PCDH11X: variants seen among roughly 807,000 people sequenced by gnomAD.
The protein encoded by PCDH11X is protocadherin 11 X-linked.
PCDH11X carries 18 observed loss-of-function variants against 53.3 expected under a neutral mutation model. The ratio of observed to expected loss-of-function variants is 0.34; its 90% CI spans 0.23 to 0.50. The LOEUF (loss-of-function observed/expected upper bound fraction) is 0.50. PCDH11X is among the 20% of genes least tolerant of loss of function. PCDH11X has a pLI of 0.98. For missense variants in PCDH11X, 570 were observed against 1,032.4 expected, an observed-to-expected ratio of 0.55 and a Z score of 6.14; for synonymous variants, 279 against 393.3, an observed-to-expected ratio of 0.71 and a Z score of 3.44.
At chrX:91,984,933 A>C (rs2062205165) in intron 6 of PCDH11X, among the ~76,000 whole-genome samples, 1 of 111,328 alleles carries the variant, frequency 9.0e-6, no homozygotes, top group African/African-American at 3.3e-5. Context: ...CTTTCCTTGC[A>C]ATTGAATCAC....
intron 10 of PCDH11X, among the ~76,000 whole-genome samples, chrX:92,547,889 G>T (rs1023215788): frequency 9.2e-6 from 1 of 109,021 alleles, no homozygotes; most frequent in Non-Finnish European, 1.9e-5. Context: ...CGCCATCATG[G>T]CTATATATAT....
chrX:92,331,333 C>CTT (rs1300857539), intron 8 of PCDH11X, among the ~76,000 whole-genome samples: 626 of 83,717 alleles, frequency 7.5e-3, no homozygotes, highest in South Asian at 0.011. Flanking sequence ...TCTTCTTCTT[C>CTT]CTTCCTTCCT....
chrX:92,261,056 TC>T (rs1203636329), intron 7 of PCDH11X, among the ~76,000 whole-genome samples: 1 of 111,263 alleles, frequency 9.0e-6, no homozygotes, highest in Non-Finnish European at 1.9e-5. Context: ...TCATGTTTTT[TC>T]CCCTTCCAGC....
At chrX:92,117,269 T>C (rs1398608544) in intron 6 of PCDH11X, among the ~76,000 whole-genome samples, 1 of 109,414 alleles carries the variant, frequency 9.1e-6, no homozygotes, top group Non-Finnish European at 1.9e-5. Context: ...AAACCCCGTC[T>C]CTACCAAAAT....
intron 6 of PCDH11X, among the ~76,000 whole-genome samples, chrX:91,965,985 A>ATCCC (rs746665552): frequency 1.2e-3 from 135 of 111,339 alleles, no homozygotes; most frequent in Non-Finnish European, 2.1e-3. Flanking sequence ...TCAGTCTTAA[A>ATCCC]TCCCTCTCCT....
chrX:91,870,237 T>C (rs1939213653), intron 5 of PCDH11X, among the ~76,000 whole-genome samples: 1 of 111,835 alleles, frequency 8.9e-6, no homozygotes, highest in South Asian at 3.6e-4. Flanking sequence ...CTTTAAGACA[T>C]TTCAATCTGA....
rs776286713 is a variant in PCDH11X, at chrX:91,873,514, T to A, written c.541-3267T>A. On this transcript the variant is annotated intron_variant, in intron 5 of 10. Transcript: ENST00000682573. ...CACCTTGAGAATTAGAAAAATATAT[T>A]TTTAAGATTATTGCCATTTCACATA... Among the ~76,000 whole-genome samples the A allele has an allele frequency of 2.9e-3, 318 of 111,151 alleles. 3 individuals carry two copies. Among genetic ancestry groups the A allele is most frequent in the Non-Finnish European group, 5.3e-3 (279 of 52,806 alleles).
intron 6 of PCDH11X, among the ~76,000 whole-genome samples, chrX:91,901,273 G>T (rs1351114256): frequency 9.0e-6 from 1 of 111,555 alleles, no homozygotes; most frequent in African/African-American, 3.3e-5. Flanking sequence ...TACCTGGTAG[G>T]CAAGTAATGT....
intron 6 of PCDH11X, among the ~76,000 whole-genome samples, chrX:92,042,886 G>A (rs758403588): frequency 6.4e-5 from 7 of 108,886 alleles, no homozygotes; most frequent in East Asian, 2.9e-4. Flanking sequence ...TCATCCACCC[G>A]CCTCAGCCTC....
At chrX:92,101,077 ATTAT>A (rs1213229595) in intron 6 of PCDH11X, among the ~76,000 whole-genome samples, 3 of 111,758 alleles carry the variant, frequency 2.7e-5, no homozygotes, top group South Asian at 3.8e-4. Context: ...GCCAGCAAAG[ATTAT>A]TTATTTACTT....
chrX:92,125,813 T>G (rs1171679538), intron 6 of PCDH11X, among the ~76,000 whole-genome samples: 2 of 109,120 alleles, frequency 1.8e-5, no homozygotes, highest in African/African-American at 6.6e-5. Flanking sequence ...TCCACCCCCC[T>G]ACATTTGCTA....
chrX:92,450,546 A>G (rs2072758170), intron 9 of PCDH11X, among the ~76,000 whole-genome samples: 2 of 108,793 alleles, frequency 1.8e-5, no homozygotes, highest in African/African-American at 6.7e-5. Context: ...TTTTGTTCCC[A>G]TAAAATGGAG....
chrX:92,535,452 A>T (rs1394927238), intron 10 of PCDH11X, among the ~76,000 whole-genome samples: 1 of 110,913 alleles, frequency 9.0e-6, no homozygotes, highest in Non-Finnish European at 1.9e-5. Context: ...GTTCTCACTT[A>T]TCAGTGTAAG....
chrX:92,244,025 A>C (rs2067306045), intron 7 of PCDH11X, among the ~76,000 whole-genome samples: 1 of 110,665 alleles, frequency 9.0e-6, no homozygotes, highest in Admixed American at 9.8e-5. Context: ...TGACAAGGCC[A>C]CTTTCTAACA....
intron 6 of PCDH11X, among the ~76,000 whole-genome samples, chrX:92,041,211 ACTC>A (rs1445136281): frequency 1.0e-4 from 10 of 99,769 alleles, no homozygotes; most frequent in Non-Finnish European, 1.8e-4. Flanking sequence ...TAATTTTGCC[ACTC>A]CTCCTTCAAC....
intron 4 of PCDH11X, among the ~76,000 whole-genome samples, chrX:91,819,378 A>G (rs1040062765): frequency 9.1e-6 from 1 of 110,450 alleles, no homozygotes; most frequent in African/African-American, 3.3e-5. Context: ...TGAAAAACTG[A>G]TTTCCTAAGA....
chrX:92,250,176 C>T (rs1347965656), intron 7 of PCDH11X, among the ~76,000 whole-genome samples: 1 of 111,345 alleles, frequency 9.0e-6, no homozygotes, highest in Non-Finnish European at 1.9e-5. Context: ...AATAGTTATG[C>T]TACATAATTG....
chrX:91,813,782 AT>A (rs2147564817), intron 4 of PCDH11X, among the ~76,000 whole-genome samples: 1 of 108,518 alleles, frequency 9.2e-6, no homozygotes, highest in Non-Finnish European at 1.9e-5. Context: ...TAGATAATAT[AT>A]TTGGAAATGC....
chrX:92,411,949 GAGT>G (rs1395120849), intron 9 of PCDH11X, among the ~76,000 whole-genome samples: 2 of 9,170 alleles, frequency 2.2e-4, no homozygotes, highest in East Asian at 7.7e-3. Flanking sequence ...GGAGGAGGAG[GAGT>G]GGGAGGAGGA....
Sources: allele counts gnomAD v4.1 joint callset (sites outside exome capture counted in the v4.1 genomes callset), GRCh38; gene constraint gnomAD v4.1.1; transcripts MANE v1.5; gene names NCBI Gene and HGNC (gene_info 2026-07-23, HGNC 2026-07-21).